RUNX1T1: variants seen among roughly 807,000 people sequenced by gnomAD.
RUNX1T1 encodes RUNX1 partner transcriptional co-repressor 1.
A neutral mutation model predicts 62.8 loss-of-function variants in RUNX1T1; 4 were observed. The ratio of observed to expected loss-of-function variants is 0.06; its 90% CI spans 0.03 to 0.15. RUNX1T1 has a LOEUF of 0.15. RUNX1T1 is among the 10% of genes least tolerant of loss of function. RUNX1T1 has a pLI of 1.00. For synonymous variants in RUNX1T1, 291 were observed against 286.0 expected (o/e 1.02, Z -0.18); for missense variants, 508 against 754.3 (o/e 0.67, Z 3.82).
chr8:91,966,187 T>C (rs568587850), intron 10 of RUNX1T1, among the ~76,000 whole-genome samples: 44 of 150,214 alleles, frequency 2.9e-4, no homozygotes, highest in African/African-American at 9.0e-4. Flanking sequence ...ATATGTAACA[T>C]AGCATCATAG....
intron 1 of RUNX1T1, among the ~76,000 whole-genome samples, chr8:92,084,433 G>A (rs1835778049): frequency 6.6e-6 from 1 of 151,938 alleles, no homozygotes; most frequent in Non-Finnish European, 1.5e-5. Context: ...GGTGGAAAGA[G>A]GTTGAGAAAA....
At chr8:92,031,305 C>T (rs1046854060) in intron 1 of RUNX1T1, among the ~76,000 whole-genome samples, 1 of 152,130 alleles carries the variant, frequency 6.6e-6, no homozygotes, top group African/African-American at 2.4e-5. Flanking sequence ...CATTCAACCC[C>T]TATTGTGTGT....
chr8:92,060,835 C>G (rs887759265), intron 1 of RUNX1T1, among the ~76,000 whole-genome samples: 7 of 151,994 alleles, frequency 4.6e-5, no homozygotes, highest in Non-Finnish European at 1.0e-4. Context: ...CAAATCTGCT[C>G]AAGTATCGCC....
intron 2 of RUNX1T1, among the ~76,000 whole-genome samples, chr8:92,015,262 T>A (rs773226136): frequency 1.3e-5 from 2 of 152,260 alleles, no homozygotes; most frequent in African/African-American, 2.4e-5. Context: ...TGAACATTTT[T>A]AATCATGTTT....
intron 1 of RUNX1T1, among the ~76,000 whole-genome samples, chr8:92,039,432 A>T (rs967266732): frequency 1.3e-5 from 2 of 151,986 alleles, no homozygotes; most frequent in African/African-American, 4.8e-5. Flanking sequence ...CCTCCATAAC[A>T]GTTCCTTCTC....
exon 2 of RUNX1T1, chr8:92,076,011 T>C (rs1834368747): frequency 1.2e-6 from 2 of 1,612,058 alleles, no homozygotes; most frequent in Non-Finnish European, 1.7e-6. Flanking sequence ...CACCTATTAC[T>C]AAACTCAGTG....
chr8:92,034,997 T>C (rs1414216272), intron 1 of RUNX1T1, among the ~76,000 whole-genome samples: 1 of 151,932 alleles, frequency 6.6e-6, no homozygotes, highest in East Asian at 1.9e-4. Flanking sequence ...TGGGTACACA[T>C]GTAACGAATG....
intron 3 of RUNX1T1, among the ~76,000 whole-genome samples, chr8:92,013,851 G>A (rs1208430149): frequency 1.3e-5 from 2 of 152,080 alleles, no homozygotes; most frequent in African/African-American, 2.4e-5. Flanking sequence ...AAGAATTAGC[G>A]TTTACCAGGA....
chr8:92,086,601 C>G (rs1405068004), intron 1 of RUNX1T1, among the ~76,000 whole-genome samples: 1 of 152,198 alleles, frequency 6.6e-6, no homozygotes, highest in Non-Finnish European at 1.5e-5. Context: ...GGACCGAGGT[C>G]TGCAAATGGA....
chr8:92,050,681 G>A (rs910622190), intron 1 of RUNX1T1, among the ~76,000 whole-genome samples: 12 of 152,256 alleles, frequency 7.9e-5, no homozygotes, highest in African/African-American at 7.2e-5. Flanking sequence ...AACATGGTGC[G>A]TCAATGGATT....
chr8:92,094,138 G>A (rs927547626), intron 1 of RUNX1T1, among the ~76,000 whole-genome samples: 1 of 152,142 alleles, frequency 6.6e-6, no homozygotes. Flanking sequence ...ATGTCAATAT[G>A]TTCAGTCAAT....
chr8:92,082,633 G>T (rs1835450243), intron 1 of RUNX1T1, among the ~76,000 whole-genome samples: 1 of 152,156 alleles, frequency 6.6e-6, no homozygotes, highest in South Asian at 2.1e-4. Context: ...GTTTCCTGAA[G>T]AAAAAACAGT....
intron 4 of RUNX1T1, among the ~76,000 whole-genome samples, chr8:92,007,745 A>T (rs537128425): frequency 6.6e-6 from 1 of 151,962 alleles, no homozygotes; most frequent in Non-Finnish European, 1.5e-5. Context: ...CAAGGCAGGC[A>T]GGTCACTTAA....
Position 92,044,817 on chromosome 8 carries a change from T to A in RUNX1T1, c.7+17729A>T, listed in dbSNP as rs79428533. ...AAAATCATACCTAGTTTTGTTTGACTGCAAAGTCCAACTTCTTAACCACTA... is the reference window on the plus strand; with the variant it reads ...AAAATCATACCTAGTTTTGTTTGACAGCAAAGTCCAACTTCTTAACCACTA... On this transcript the variant is annotated intron_variant, in intron 1 of 10. Coordinates refer to ENST00000396218, the Ensembl canonical transcript of RUNX1T1. 7.1e-3 allele frequency among the ~76,000 whole-genome samples: 1,089 copies of A among 152,318 alleles called. 13 individuals carry two copies. The highest frequency in any genetic ancestry group is 0.024 in the African/African-American group (1,015 of 41,568).
chr8:91,970,532 A>G lies in RUNX1T1; in HGVS notation c.1458+126T>C, dbSNP rs1043026841. ...CTTGGCAAATTTCATGAATACCTTG[A>G]CTTTCCCCACACTGTTCTAAATTTT... On this transcript the variant is annotated intron_variant, in intron 10 of 10. Coordinates refer to ENST00000396218, the Ensembl canonical transcript of RUNX1T1. 2.4e-5 allele frequency: 19 copies of G among 795,134 alleles called. No homozygotes were observed. The East Asian group carries it at 6.1e-4, about 25-fold the overall frequency. The allele number at this position is 795,134 out of a possible 1,614,324, so 49.3% of individuals were successfully genotyped here.
At chr8:91,968,204 C>A (rs1812036270) in intron 10 of RUNX1T1, among the ~76,000 whole-genome samples, 1 of 152,078 alleles carries the variant, frequency 6.6e-6, no homozygotes, top group South Asian at 2.1e-4. Flanking sequence ...AGAAGACGAT[C>A]ATCTGATCAG....
intron 5 of RUNX1T1, among the ~76,000 whole-genome samples, chr8:91,999,980 C>T (rs756770373): frequency 1.6e-4 from 25 of 152,076 alleles, no homozygotes; most frequent in Middle Eastern, 3.2e-3. Context: ...GAACAAAATG[C>T]CCCGTACAAC....
Position 92,081,082 on chromosome 8 carries a change from T to G in RUNX1T1, c.-85-4945A>C, listed in dbSNP as rs543377130. On this transcript the variant is annotated intron_variant, in intron 1 of 11. Transcript: ENST00000265814. ...CACTGTATACGCACTCTGGCTGGAT[T>G]GGAATCTCAGTTCTTACACTTACTC... is the stretch of plus-strand genomic sequence containing the variant. 2.1e-3 allele frequency among the ~76,000 whole-genome samples: 326 copies of G among 152,342 alleles called. 1 individual carries two copies. The highest frequency in any genetic ancestry group is 7.5e-3 in the African/African-American group (310 of 41,572).
intron 1 of RUNX1T1, among the ~76,000 whole-genome samples, chr8:92,085,501 A>G (rs374716718): frequency 2.6e-5 from 4 of 152,318 alleles, no homozygotes; most frequent in South Asian, 4.1e-4. Flanking sequence ...ATCAACACAC[A>G]TAAATGTTTC....
Sources: gnomAD v4.1 joint callset for allele counts (sites outside exome capture counted in the v4.1 genomes callset) on GRCh38, gnomAD v4.1.1 for gene constraint, MANE v1.5 for transcripts, NCBI Gene and HGNC (gene_info 2026-07-23, HGNC 2026-07-21) for gene names.